FAM193A: variants seen among roughly 807,000 people sequenced by gnomAD.
FAM193A encodes the protein family with sequence similarity 193 member A, also known as protein FAM193A.
FAM193A carries 22 observed loss-of-function variants against 126.5 expected under a neutral mutation model. That is an observed-to-expected ratio of 0.17 (90% CI 0.12 to 0.25). FAM193A has a LOEUF of 0.25. Among genes scored for constraint, FAM193A ranks in the 10% least tolerant of loss-of-function variants. The probability of loss-of-function intolerance (pLI) is 1.00; values close to 1 mark genes in which losing one functional copy is unlikely to be tolerated. For missense variants in FAM193A, 1,675 were observed against 1,672.8 expected, an observed-to-expected ratio of 1.00 and a Z score of -0.02; for synonymous variants, 761 against 646.8, an observed-to-expected ratio of 1.18 and a Z score of -2.68.
At chr4:2,667,109 T>C (rs748225012) in intron 12 of FAM193A, among the ~76,000 whole-genome samples, 7 of 152,258 alleles carry the variant, frequency 4.6e-5, no homozygotes, top group Non-Finnish European at 1.0e-4. Flanking sequence ...TCCTGTTCTA[T>C]GTGTACTTGA....
chr4:2,662,921 T>G lies in FAM193A; in HGVS notation c.1829T>G (p.Val610Gly). ...YPLSNYDDTE[V>G]VANMNGIHSE... ...TTGAGTAATTATGATGATACCGAGG[T>G]GGTGGCCAACATGAATGGAATCCAC... The change falls in exon 11 of 21, where the codon GTG becomes GGG. Residue 610 changes from valine to glycine, a missense_variant. By Grantham distance (109) the Val-to-Gly change is moderately radical (BLOSUM62 -3). Transcript: ENST00000637812. 6.2e-7 allele frequency: 1 copy of G among 1,613,096 alleles called. No individual in the cohort carries two copies. Among genetic ancestry groups the G allele is most frequent in the Middle Eastern group, 1.6e-4 (1 of 6,062 alleles).
chr4:2,659,471 T>A, intron 8 of FAM193A, 87 bp from the exon 9 acceptor site: 3 of 911,996 alleles, frequency 3.3e-6, no homozygotes, highest in Non-Finnish European at 5.3e-6. Context: ...GTGAACATGA[T>A]ACATGTCAGC....
Position 2,728,895 on chromosome 4 carries a change from A to ATTTTTTTTTT in FAM193A, c.4455-2880_4455-2879insTTTTTTTTTT, listed in dbSNP as rs1491485597. The stretch of plus-strand genomic sequence containing the variant: ...TAAGCAAATATGTTCCACCTCCAAA[A>ATTTTTTTTTT]CTTTTTTTTTTTTTTTTTTTTTTTT... On this transcript the variant is annotated intron_variant, in intron 20 of 20. Transcript: ENST00000637812. Among the ~76,000 whole-genome samples, 6 of 105,710 alleles carry ATTTTTTTTTT rather than the reference A, an allele frequency of 5.7e-5. 1 individual carries two copies. The highest frequency in any genetic ancestry group is 9.0e-5 in the Non-Finnish European group (5 of 55,842). 69.3% of individuals were successfully genotyped at this position (105,710 alleles called of 152,430 possible). A position where few individuals can be genotyped will look rare whatever the true frequency, so the allele number is the denominator to read the frequency against.
intron 13 of FAM193A, among the ~76,000 whole-genome samples, chr4:2,688,491 G>T (rs1715996460): frequency 6.6e-6 from 1 of 152,036 alleles, no homozygotes; most frequent in Non-Finnish European, 1.5e-5. Context: ...AGAACTTAGG[G>T]CCAAGAAGGT....
chr4:2,543,342 C>T (rs1376410723), intron 1 of FAM193A, among the ~76,000 whole-genome samples: 5 of 152,030 alleles, frequency 3.3e-5, no homozygotes, highest in Non-Finnish European at 7.4e-5. Context: ...CCGCCTCGGC[C>T]TCTCAAAGTG....
intron 19 of FAM193A, among the ~76,000 whole-genome samples, chr4:2,714,556 C>T (rs1719340633): frequency 6.6e-6 from 1 of 152,128 alleles, no homozygotes; most frequent in Admixed American, 6.6e-5. Context: ...CCGCTGTGTG[C>T]CCTCAGGGAT....
intron 12 of FAM193A, among the ~76,000 whole-genome samples, chr4:2,668,056 C>T (rs1015876968): frequency 5.9e-5 from 9 of 151,706 alleles, no homozygotes; most frequent in African/African-American, 1.9e-4. Context: ...AGGCATGTGC[C>T]GCCATGACCG....
At chr4:2,558,871 T>C (rs1738431820) in intron 1 of FAM193A, among the ~76,000 whole-genome samples, 1 of 152,174 alleles carries the variant, frequency 6.6e-6, no homozygotes, top group Admixed American at 6.6e-5. Flanking sequence ...CATGGTGGCA[T>C]GTACCTGTAA....
At chr4:2,566,850 A>G (rs1383968225) in intron 1 of FAM193A, among the ~76,000 whole-genome samples, 1 of 152,208 alleles carries the variant, frequency 6.6e-6, no homozygotes, top group Non-Finnish European at 1.5e-5. Context: ...TGAACTTATT[A>G]AAAATACAAA....
intron 1 of FAM193A, among the ~76,000 whole-genome samples, chr4:2,570,885 G>C (rs1739254458): frequency 6.6e-6 from 1 of 152,150 alleles, no homozygotes. Flanking sequence ...TGGGTAGTAA[G>C]TCAAGCACTT....
At chr4:2,566,963 G>A (rs1216440775) in intron 1 of FAM193A, among the ~76,000 whole-genome samples, 28 of 145,172 alleles carry the variant, frequency 1.9e-4, no homozygotes, top group African/African-American at 6.4e-4. Flanking sequence ...TTTTTGAGAC[G>A]GAGTCTCGCT....
At chr4:2,590,180 G>A (rs1233303688) in intron 1 of FAM193A, among the ~76,000 whole-genome samples, 3 of 144,686 alleles carry the variant, frequency 2.1e-5, no homozygotes, top group Non-Finnish European at 4.6e-5. Context: ...ATATAAAAAT[G>A]CAGAAAATTG....
At chr4:2,686,551 G>T (rs1293047063) in intron 13 of FAM193A, among the ~76,000 whole-genome samples, 1 of 150,236 alleles carries the variant, frequency 6.7e-6, no homozygotes, top group Non-Finnish European at 1.5e-5. Context: ...CCCACGGGTG[G>T]TTTTGCAGAG....
At chr4:2,702,705 G>T (rs1236494452) in intron 19 of FAM193A, among the ~76,000 whole-genome samples, 1 of 152,192 alleles carries the variant, frequency 6.6e-6, no homozygotes, top group Non-Finnish European at 1.5e-5. Context: ...CATCCATGGT[G>T]CCTTTACTGA....
chr4:2,664,221 A>G (rs920613414), intron 12 of FAM193A, among the ~76,000 whole-genome samples: 3 of 152,164 alleles, frequency 2.0e-5, no homozygotes, highest in Admixed American at 6.5e-5. Flanking sequence ...GAAGATTTAT[A>G]ATTTTAGTTC....
At chr4:2,712,019 T>C (rs564511412) in intron 19 of FAM193A, among the ~76,000 whole-genome samples, 56 of 152,344 alleles carry the variant, frequency 3.7e-4, no homozygotes, top group African/African-American at 1.3e-3. Flanking sequence ...GGAGAAACTT[T>C]GTTGTTGTTA....
intron 13 of FAM193A, among the ~76,000 whole-genome samples, chr4:2,679,202 A>G (rs773699569): frequency 6.6e-6 from 1 of 152,230 alleles, no homozygotes; most frequent in Non-Finnish European, 1.5e-5. Context: ...TTAATGTGGC[A>G]TATTAACATT....
At chr4:2,538,237 C>T (rs1249881675) in intron 1 of FAM193A, among the ~76,000 whole-genome samples, 1 of 150,660 alleles carries the variant, frequency 6.6e-6, no homozygotes, top group Non-Finnish European at 1.5e-5. Context: ...CTCGCTCTGT[C>T]GCCCAGGCTG....
chr4:2,672,508 GTTTCC>G lies in FAM193A; in HGVS notation c.2331+141_2331+145del, dbSNP rs1423628716. The G allele has an allele frequency of 4.4e-6, 4 of 903,882 alleles. No individual in the cohort carries two copies. In the African/African-American group the frequency reaches 6.7e-5, roughly 15 times the overall value. 56.0% of individuals were successfully genotyped at this position (903,882 alleles called of 1,614,324 possible). ...GCTCTGGATAGGAAGGTCTCCAAGT[GTTTCC>G]TTTCACCATAATCTCTTAAGCACTG... is the stretch of plus-strand genomic sequence containing the variant. On this transcript the variant is annotated intron_variant, in intron 13 of 20. Coordinates refer to ENST00000637812, the MANE Select transcript of FAM193A (RefSeq NM_001366318.2).
Sources: allele counts gnomAD v4.1 joint callset (sites outside exome capture counted in the v4.1 genomes callset), GRCh38; gene constraint gnomAD v4.1.1; transcripts MANE v1.5; gene names NCBI Gene and HGNC (gene_info 2026-07-23, HGNC 2026-07-21).